PRKN: variants seen among roughly 807,000 people sequenced by gnomAD.
PRKN encodes the protein E3 ubiquitin-protein ligase parkin.
PRKN carries 56 observed loss-of-function variants against 59.5 expected under a neutral mutation model. The observed-to-expected ratio is 0.94, with a 90% CI of 0.76 to 1.18. The LOEUF is 1.18. PRKN is among the 50% of genes most tolerant of loss of function. PRKN has a pLI of 0.00. For synonymous variants in PRKN, 250 were observed against 222.1 expected (o/e 1.13, Z -1.12); for missense variants, 657 against 596.4 (o/e 1.10, Z -1.06).
At chr6:161,716,369 CT>C (rs1178518759) in intron 7 of PRKN, among the ~76,000 whole-genome samples, 1 of 152,122 alleles carries the variant, frequency 6.6e-6, no homozygotes, top group Non-Finnish European at 1.5e-5. Flanking sequence ...AGTAGCAGTG[CT>C]TTTTTCCCCC....
chr6:161,792,255 T>G (rs1362123345), intron 6 of PRKN, among the ~76,000 whole-genome samples: 2 of 152,250 alleles, frequency 1.3e-5, no homozygotes, highest in Non-Finnish European at 2.9e-5. Flanking sequence ...ACTTTGTTAT[T>G]CAGCAATATC....
chr6:162,275,453 C>T (rs1228476130), intron 2 of PRKN: 3 of 151,996 alleles, frequency 2.0e-5, no homozygotes, highest in African/African-American at 7.2e-5. Context: ...TTGACTCTAG[C>T]AATGAATAAA....
In PRKN at chr6:161,566,193, C is replaced by T. The variant is rs1780636489; in HGVS notation, c.933+3162G>A. 6.6e-6 allele frequency among the ~76,000 whole-genome samples: 1 copy of T among 152,188 alleles called. No individual in the cohort carries two copies. Among genetic ancestry groups the T allele is most frequent in the Admixed American group, 6.5e-5 (1 of 15,282 alleles). ...ATTTGCAGTCTCCCACTCTTTGGTT[C>T]ACCTCTCACATGAATCCATTCGAGG... On this transcript the variant is annotated intron_variant, in intron 8 of 11. Coordinates refer to ENST00000366898, the MANE Select transcript of PRKN (RefSeq NM_004562.3). This position sits in a 1 kb window ranked among gnomAD's most constrained non-coding sequence, Gnocchi z 4.1.
chr6:161,366,038 T>C (rs769018410), intron 10 of PRKN, among the ~76,000 whole-genome samples: 1 of 152,244 alleles, frequency 6.6e-6, no homozygotes, highest in Non-Finnish European at 1.5e-5. Context: ...CCCGGATCGA[T>C]ATGTTGAAAT....
chr6:162,147,969 T>C (rs1354819972), intron 4 of PRKN, among the ~76,000 whole-genome samples: 1 of 152,126 alleles, frequency 6.6e-6, no homozygotes, highest in Non-Finnish European at 1.5e-5. Flanking sequence ...TACGCAATAT[T>C]TCTATGCGAA....
intron 2 of PRKN, among the ~76,000 whole-genome samples, chr6:162,344,070 G>C (rs538063967): frequency 2.0e-5 from 3 of 152,260 alleles, no homozygotes; most frequent in Admixed American, 1.3e-4. Flanking sequence ...CTCACAAATG[G>C]AGTTAACAGT....
At chr6:161,441,661 A>AG (rs1789237053) in intron 9 of PRKN, among the ~76,000 whole-genome samples, 1 of 151,078 alleles carries the variant, frequency 6.6e-6, no homozygotes, top group African/African-American at 2.4e-5. Context: ...AAAAAAAAAA[A>AG]AAAAAAAAAA....
intron 9 of PRKN, among the ~76,000 whole-genome samples, chr6:161,437,835 T>C (rs1004611143): frequency 2.0e-5 from 3 of 152,198 alleles, no homozygotes; most frequent in African/African-American, 7.2e-5. Context: ...CAAAGGCATA[T>C]TTTGAAAGTG....
rs750507377 is a variant in PRKN, at chr6:161,548,491, C to T, written c.1083+363G>A. On this transcript the variant is annotated intron_variant, in intron 9 of 11. Coordinates refer to ENST00000366898, the MANE Select transcript of PRKN (RefSeq NM_004562.3). This position sits in a 1 kb window ranked among gnomAD's most constrained non-coding sequence, Gnocchi z 4.2. The stretch of plus-strand genomic sequence containing the variant: ...ACGTCACTGATGGAGAATTCTTTCT[C>T]CTTCACTCCTGTCTACTTAAAGGCA... 6.6e-6 allele frequency among the ~76,000 whole-genome samples: 1 copy of T among 152,198 alleles called. No homozygotes were observed. Among genetic ancestry groups the T allele is most frequent in the Non-Finnish European group, 1.5e-5 (1 of 68,034 alleles).
chr6:162,364,450 G>T (rs1785310812), intron 2 of PRKN, among the ~76,000 whole-genome samples: 1 of 151,688 alleles, frequency 6.6e-6, no homozygotes, highest in African/African-American at 2.4e-5. Context: ...AACTACCCTG[G>T]GAGTAAAATG....
chr6:162,107,026 C>T (rs1351989757), intron 4 of PRKN, among the ~76,000 whole-genome samples: 1 of 152,138 alleles, frequency 6.6e-6, no homozygotes, highest in African/African-American at 2.4e-5. Context: ...TCAACCTATC[C>T]GTATTCCCCA....
intron 2 of PRKN, among the ~76,000 whole-genome samples, chr6:162,304,489 T>TTCTATCTATCTATCTA (rs6149895): frequency 4.7e-5 from 6 of 128,650 alleles, no homozygotes; most frequent in East Asian, 2.4e-4. Flanking sequence ...ACTCATCCAG[T>TTCTATCTATCTATCTA]TCTATCTATC....
At chr6:162,108,167 C>T (rs1031351499) in intron 4 of PRKN, among the ~76,000 whole-genome samples, 14 of 152,124 alleles carry the variant, frequency 9.2e-5, no homozygotes, top group Admixed American at 6.5e-5. Flanking sequence ...GAAAGATTTG[C>T]CATTATGCTT....
chr6:162,453,502 A>G (rs1790722322), intron 1 of PRKN, among the ~76,000 whole-genome samples: 1 of 152,196 alleles, frequency 6.6e-6, no homozygotes, highest in Non-Finnish European at 1.5e-5. Flanking sequence ...TGGATGTTAG[A>G]ACCCTCTGTG....
At chr6:162,277,874 A>G (rs1780705458) in intron 2 of PRKN, among the ~76,000 whole-genome samples, 1 of 152,212 alleles carries the variant, frequency 6.6e-6, no homozygotes, top group East Asian at 1.9e-4. Context: ...GTTTCTTACA[A>G]AACTAAACAT....
chr6:161,629,134 G>T (rs2128153742), intron 7 of PRKN, among the ~76,000 whole-genome samples: 1 of 152,212 alleles, frequency 6.6e-6, no homozygotes, highest in African/African-American at 2.4e-5. Flanking sequence ...GGGAAGGCAG[G>T]CTAGGGATGC....
At chr6:161,787,140 CT>C (rs534563579) in intron 6 of PRKN, among the ~76,000 whole-genome samples, 38 of 152,190 alleles carry the variant, frequency 2.5e-4, no homozygotes, top group African/African-American at 8.2e-4. Context: ...TATAAGAGCT[CT>C]TCAAAAGCCC....
chr6:162,087,663 G>C (rs1338521872), intron 4 of PRKN, among the ~76,000 whole-genome samples: 1 of 137,776 alleles, frequency 7.3e-6, no homozygotes, highest in Non-Finnish European at 1.5e-5. Flanking sequence ...GCGCGATCTC[G>C]GCTCACTGCA....
chr6:161,880,200 C>T (rs1317837491), intron 6 of PRKN, among the ~76,000 whole-genome samples: 1 of 152,070 alleles, frequency 6.6e-6, no homozygotes, highest in African/African-American at 2.4e-5. Flanking sequence ...TTTATATTTT[C>T]AGAGCAAAAA....
Sources: allele counts gnomAD v4.1 joint callset (sites outside exome capture counted in the v4.1 genomes callset), GRCh38; gene constraint gnomAD v4.1.1; non-coding constraint Gnocchi (gnomAD v3.1); transcripts MANE v1.5; gene names NCBI Gene and HGNC (gene_info 2026-07-23, HGNC 2026-07-21).